Variants in RFX4 observed in about 807,000 individuals in gnomAD.
RFX4 encodes transcription factor RFX4.
RFX4 carries 10 observed loss-of-function variants against 95.0 expected under a neutral mutation model. That is an observed-to-expected ratio of 0.11 (90% CI 0.06 to 0.18). The LOEUF is 0.18. Ranked by LOEUF, RFX4 falls within the 10% of genes least tolerant of loss-of-function variation. The pLI, the probability that RFX4 is intolerant of heterozygous loss-of-function variation, is 1.00. For missense variants in RFX4, 640 were observed against 922.0 expected (o/e 0.69, Z 3.96); for synonymous variants, 321 against 340.7 (o/e 0.94, Z 0.64).
intron 7 of RFX4, chr12:106,693,087 T>A (rs1387683316): frequency 6.8e-6 from 3 of 439,610 alleles, no homozygotes; most frequent in Non-Finnish European, 1.4e-5. Context: ...TGGGAGATCC[T>A]GTCAGCTCCA....
chr12:106,642,300 G>A (rs375439059), intron 3 of RFX4, among the ~76,000 whole-genome samples: 69 of 151,264 alleles, frequency 4.6e-4, no homozygotes, highest in African/African-American at 1.6e-3. Flanking sequence ...GTGAGCCACC[G>A]TGCCCGTATA....
chr12:106,643,117 T>C (rs2040666034), intron 3 of RFX4, among the ~76,000 whole-genome samples: 1 of 152,210 alleles, frequency 6.6e-6, no homozygotes, highest in African/African-American at 2.4e-5. Flanking sequence ...TGTCCATCAC[T>C]GAATACAGGC....
At chr12:106,614,966 C>T (rs12318439) in intron 2 of RFX4, among the ~76,000 whole-genome samples, 5,285 of 152,218 alleles carry the variant, frequency 0.035, 239 homozygotes, top group African/African-American at 0.1. Context: ...CTCATAATAA[C>T]TTTTATGAAC....
intron 7 of RFX4, among the ~76,000 whole-genome samples, chr12:106,690,502 A>G (rs1184099340): frequency 6.6e-6 from 1 of 152,190 alleles, no homozygotes; most frequent in African/African-American, 2.4e-5. Context: ...ATAACTCTGC[A>G]AATCTTAGCA....
chr12:106,686,535 C>T (rs4964187), intron 5 of RFX4, among the ~76,000 whole-genome samples: 1 of 151,798 alleles, frequency 6.6e-6, no homozygotes, highest in Non-Finnish European at 1.5e-5. Context: ...GAGAAGGGAC[C>T]CTCAAGTGCT....
At chr12:106,621,816 C>T (rs1226981964) in intron 2 of RFX4, among the ~76,000 whole-genome samples, 1 of 152,128 alleles carries the variant, frequency 6.6e-6, no homozygotes, top group East Asian at 1.9e-4. Context: ...CGGGAAAGAT[C>T]TTTGGAAAGA....
At chr12:106,704,898 G>A (rs1023802801) in intron 8 of RFX4, among the ~76,000 whole-genome samples, 2 of 152,140 alleles carry the variant, frequency 1.3e-5, no homozygotes, top group Non-Finnish European at 2.9e-5. Context: ...AGAAAAGACT[G>A]AGGACCAAGC....
At chr12:106,688,781 A>G (rs1179279715) in intron 6 of RFX4, among the ~76,000 whole-genome samples, 1 of 148,942 alleles carries the variant, frequency 6.7e-6, no homozygotes, top group East Asian at 2.0e-4. Flanking sequence ...TTTTTTTTTT[A>G]TTTTTGCTAA....
intron 5 of RFX4, among the ~76,000 whole-genome samples, chr12:106,686,002 C>G (rs1053755919): frequency 2.0e-5 from 3 of 152,220 alleles, no homozygotes; most frequent in African/African-American, 7.2e-5. Flanking sequence ...AATATTAAGC[C>G]TATTTTGAGT....
intron 2 of RFX4, among the ~76,000 whole-genome samples, chr12:106,620,714 A>G (rs139099507): frequency 1.3e-5 from 2 of 152,136 alleles, no homozygotes; most frequent in East Asian, 3.9e-4. Context: ...CCACAAATTT[A>G]CCAGGGTGGA....
intron 2 of RFX4, among the ~76,000 whole-genome samples, chr12:106,624,072 A>AG (rs1359558443): frequency 1.3e-5 from 2 of 152,160 alleles, no homozygotes; most frequent in African/African-American, 4.8e-5. Context: ...GAACAAGGGG[A>AG]GGTGCCAGCT....
chr12:106,612,888 C>T (rs1267986397), intron 2 of RFX4, among the ~76,000 whole-genome samples: 1 of 151,934 alleles, frequency 6.6e-6, no homozygotes, highest in Non-Finnish European at 1.5e-5. Flanking sequence ...ACTTTACTTC[C>T]TTTTTATTAA....
intron 10 of RFX4, among the ~76,000 whole-genome samples, chr12:106,714,068 CAAAAAAAAAA>C (rs58283896): frequency 3.3e-5 from 1 of 30,524 alleles, no homozygotes; most frequent in African/African-American, 1.5e-4. Flanking sequence ...AACTCCATCT[CAAAAAAAAAA>C]AAAAAAAAAA....
At chr12:106,640,413 C>T (rs1020003990) in intron 3 of RFX4, among the ~76,000 whole-genome samples, 1 of 152,178 alleles carries the variant, frequency 6.6e-6, no homozygotes, top group African/African-American at 2.4e-5. Flanking sequence ...TAGTCTAATC[C>T]ATCCAGAGGT....
chr12:106,583,345 C>T lies in RFX4; in HGVS notation c.25C>T (p.Pro9Ser). ...CATGCATTGTGGGTTACTGGAGGAA[C>T]CCGACATGGATTCCACAGGTTAGTC... MHCGLLEE[P>S]DMDSTESWIE... The change falls in exon 1 of 18, where the codon CCC becomes TCC. Residue 9 changes from proline (P) to serine (S), a missense_variant. Physicochemically the swap from Pro to Ser is moderately conservative, Grantham distance 74. This residue lies in a region of RFX4 where 63 missense variants were observed against 68.8 expected (regional missense o/e 0.92). Coordinates refer to ENST00000392842, the MANE Select transcript of RFX4 (RefSeq NM_213594.3). The T allele has an allele frequency of 6.3e-7, 1 of 1,586,350 alleles. No individual in the cohort carries two copies. Among genetic ancestry groups the T allele is most frequent in the Non-Finnish European group, 8.5e-7 (1 of 1,170,254 alleles).
At chr12:106,682,585 G>A (rs2041537414) in intron 5 of RFX4, 1 of 153,126 alleles carries the variant, frequency 6.5e-6, no homozygotes, top group African/African-American at 2.4e-5. Flanking sequence ...CATATGTGGT[G>A]CTAGGTACTG....
intron 17 of RFX4, among the ~76,000 whole-genome samples, chr12:106,758,193 C>G (rs1343965822): frequency 1.3e-5 from 2 of 152,108 alleles, no homozygotes; most frequent in Non-Finnish European, 2.9e-5. Context: ...GCGGGTGCCA[C>G]GGGCCAGCCT....
chr12:106,758,026 C>T (rs1282087784), intron 17 of RFX4, among the ~76,000 whole-genome samples: 1 of 152,210 alleles, frequency 6.6e-6, no homozygotes, highest in East Asian at 1.9e-4. Flanking sequence ...AAATCAGTAG[C>T]AACAGCATAT....
intron 4 of RFX4, among the ~76,000 whole-genome samples, chr12:106,671,943 T>C (rs1555229889): frequency 6.6e-6 from 1 of 152,170 alleles, no homozygotes; most frequent in East Asian, 1.9e-4. Context: ...ATTACAGGCA[T>C]GAGCCACCAC....
Sources: gnomAD v4.1 joint callset for allele counts (sites outside exome capture counted in the v4.1 genomes callset) on GRCh38, gnomAD v4.1.1 for gene constraint, gnomAD v4.1.1 regional missense constraint, MANE v1.5 for transcripts, NCBI Gene and HGNC (gene_info 2026-07-23, HGNC 2026-07-21) for gene names.